Variants in NRG1 observed in about 807,000 individuals in gnomAD.
NRG1 encodes the protein pro-neuregulin-1, membrane-bound isoform.
A neutral mutation model predicts 63.8 loss-of-function variants in NRG1; 18 were observed. The observed-to-expected ratio is 0.28, with a 90% confidence interval of 0.19 to 0.42. NRG1 has a LOEUF of 0.42. Among genes scored for constraint, NRG1 ranks in the 10% least tolerant of loss-of-function variants. The pLI is 1.00. For missense variants in NRG1, 762 were observed against 814.7 expected, an observed-to-expected ratio of 0.94 and a Z score of 0.79; for synonymous variants, 302 against 301.3, an observed-to-expected ratio of 1.00 and a Z score of -0.02.
chr8:32,741,926 A>T (rs942241007), intron 6 of NRG1, 82 bp from the exon 7 acceptor site: 16 of 983,924 alleles, frequency 1.6e-5, no homozygotes, highest in Non-Finnish European at 2.3e-5. Context: ...GAATCTCCAT[A>T]TTCCATAGGA....
intron 1 of NRG1, among the ~76,000 whole-genome samples, chr8:31,691,622 G>GA (rs914746911): frequency 7.0e-5 from 5 of 71,456 alleles, no homozygotes; most frequent in African/African-American, 2.2e-4. Context: ...AAAAAAAAAA[G>GA]ATCTGTTCCT....
intron 1 of NRG1, among the ~76,000 whole-genome samples, chr8:32,130,234 G>A (rs987584055): frequency 6.6e-6 from 1 of 151,508 alleles, no homozygotes; most frequent in African/African-American, 2.4e-5. Flanking sequence ...TTTTCCCTAA[G>A]CCTCATATTA....
chr8:32,471,476 A>G (rs1823840342), intron 1 of NRG1, among the ~76,000 whole-genome samples: 1 of 152,228 alleles, frequency 6.6e-6, no homozygotes, highest in South Asian at 2.1e-4. Context: ...GCCATCAATC[A>G]TGCTACCAAG....
chr8:31,795,746 T>C (rs1821142718), intron 1 of NRG1, among the ~76,000 whole-genome samples: 1 of 152,212 alleles, frequency 6.6e-6, no homozygotes, highest in Admixed American at 6.5e-5. Context: ...CTTCCGTATG[T>C]TGGGCAGCCT....
At chr8:32,419,605 T>C (rs1816417656) in intron 1 of NRG1, among the ~76,000 whole-genome samples, 1 of 152,238 alleles carries the variant, frequency 6.6e-6, no homozygotes, top group Non-Finnish European at 1.5e-5. Context: ...GCCAAGTTTA[T>C]AGTTCTTTCA....
At chr8:32,557,866 A>G (rs1399963066) in intron 1 of NRG1, among the ~76,000 whole-genome samples, 1 of 152,218 alleles carries the variant, frequency 6.6e-6, no homozygotes, top group Non-Finnish European at 1.5e-5. Context: ...TAGAAATGGG[A>G]GACTTATGTC....
intron 1 of NRG1, among the ~76,000 whole-genome samples, chr8:32,290,240 CTA>C (rs1485484673): frequency 2.2e-4 from 34 of 151,786 alleles, no homozygotes; most frequent in Admixed American, 2.2e-3. Flanking sequence ...AACTCTGTGT[CTA>C]TAAAGATAAT....
At chr8:32,493,006 C>A (rs1268766250) in intron 1 of NRG1, among the ~76,000 whole-genome samples, 1 of 152,040 alleles carries the variant, frequency 6.6e-6, no homozygotes, top group Non-Finnish European at 1.5e-5. Context: ...AGAGCTTTTC[C>A]ATCCAAGACA....
At chr8:32,733,694 C>T (rs1824316810) in intron 6 of NRG1, among the ~76,000 whole-genome samples, 1 of 152,070 alleles carries the variant, frequency 6.6e-6, no homozygotes, top group Non-Finnish European at 1.5e-5. Context: ...GGAATGGTGT[C>T]TGATCTCTGG....
At chr8:31,921,051 TTAGA>T (rs1215339792) in intron 1 of NRG1, among the ~76,000 whole-genome samples, 2 of 152,158 alleles carry the variant, frequency 1.3e-5, no homozygotes, top group African/African-American at 4.8e-5. Flanking sequence ...AGGTTAATTT[TTAGA>T]TAGTTACTAA....
intron 1 of NRG1, among the ~76,000 whole-genome samples, chr8:31,872,584 C>T (rs1228280191): frequency 6.6e-6 from 1 of 151,964 alleles, no homozygotes; most frequent in East Asian, 1.9e-4. Flanking sequence ...ATATAGAAAA[C>T]CATGAGTGCT....
chr8:32,167,417 C>T (rs529374447), intron 1 of NRG1, among the ~76,000 whole-genome samples: 17 of 152,224 alleles, frequency 1.1e-4, no homozygotes, highest in South Asian at 6.2e-4. Context: ...ATTGAACATA[C>T]GGGGTTGATG....
intron 1 of NRG1, among the ~76,000 whole-genome samples, chr8:32,124,661 T>C (rs532779639): frequency 6.6e-6 from 1 of 152,026 alleles, no homozygotes; most frequent in Admixed American, 6.6e-5. Context: ...ACTGTATCTA[T>C]AACGTGAATT....
chr8:31,736,097 A>T (rs1242456103), intron 1 of NRG1, among the ~76,000 whole-genome samples: 1 of 152,128 alleles, frequency 6.6e-6, no homozygotes, highest in Non-Finnish European at 1.5e-5. Context: ...CAAGGTCCTT[A>T]CCATGACCTT....
At chr8:32,622,416 T>G (rs532708251) in intron 5 of NRG1, among the ~76,000 whole-genome samples, 10 of 152,318 alleles carry the variant, frequency 6.6e-5, no homozygotes, top group African/African-American at 2.4e-4. Flanking sequence ...TTTTCTTTTC[T>G]TCTTTTGACA....
At chr8:32,171,446 A>C (rs903274467) in intron 1 of NRG1, 1 of 152,326 alleles carries the variant, frequency 6.6e-6, no homozygotes, top group Non-Finnish European at 1.5e-5. Context: ...TGATTTCTGC[A>C]TTTCCAACTG....
At chr8:32,703,897 A>C (rs182220376) in intron 5 of NRG1, among the ~76,000 whole-genome samples, 158 of 152,304 alleles carry the variant, frequency 1.0e-3, no homozygotes, top group Non-Finnish European at 1.6e-3. Flanking sequence ...CCTGCTAAAG[A>C]GGTCTTTGCC....
chr8:32,178,894 A>T (rs1486963345), intron 1 of NRG1, among the ~76,000 whole-genome samples: 2 of 152,176 alleles, frequency 1.3e-5, no homozygotes, highest in East Asian at 3.9e-4. Flanking sequence ...GTCCTAAAAA[A>T]AAAAATCACC....
At chr8:32,512,771 G>A (rs929558359) in intron 1 of NRG1, among the ~76,000 whole-genome samples, 3 of 152,068 alleles carry the variant, frequency 2.0e-5, no homozygotes, top group African/African-American at 7.2e-5. Context: ...TTACGTAGGA[G>A]GTGTTATAGG....
Sources: gnomAD v4.1 joint callset for allele counts (sites outside exome capture counted in the v4.1 genomes callset) on GRCh38, gnomAD v4.1.1 for gene constraint, MANE v1.5 for transcripts, NCBI Gene and HGNC (gene_info 2026-07-23, HGNC 2026-07-21) for gene names.